Variants in MAP2K6 observed in about 807,000 individuals in gnomAD.
MAP2K6 encodes dual specificity mitogen-activated protein kinase kinase 6.
A neutral mutation model predicts 53.7 loss-of-function variants in MAP2K6; 16 were observed. The ratio of observed to expected loss-of-function variants is 0.30; its 90% CI spans 0.20 to 0.45. The LOEUF (loss-of-function observed/expected upper bound fraction) is 0.45, where lower values mean the gene tolerates loss of function less well. Among genes scored for constraint, MAP2K6 ranks in the 20% least tolerant of loss-of-function variants. The pLI is 1.00. For missense variants in MAP2K6, 204 were observed against 411.9 expected, an observed-to-expected ratio of 0.50 and a Z score of 4.37; for synonymous variants, 132 against 143.1, an observed-to-expected ratio of 0.92 and a Z score of 0.55.
At chr17:69,443,968 G>A (rs1906896136) in intron 1 of MAP2K6, among the ~76,000 whole-genome samples, 1 of 152,116 alleles carries the variant, frequency 6.6e-6, no homozygotes, top group Non-Finnish European at 1.5e-5. Context: ...ATGTGTCTGG[G>A]TGTATTGTCC....
chr17:69,455,200 A>T (rs1418747573), intron 1 of MAP2K6, among the ~76,000 whole-genome samples: 1 of 152,172 alleles, frequency 6.6e-6, no homozygotes, highest in Non-Finnish European at 1.5e-5. Flanking sequence ...AGAGATTAGG[A>T]TTCTGTCCAC....
At chr17:69,481,008 A>G (rs1184604658) in intron 1 of MAP2K6, among the ~76,000 whole-genome samples, 3 of 152,200 alleles carry the variant, frequency 2.0e-5, no homozygotes, top group African/African-American at 7.2e-5. Flanking sequence ...ACACAACAAC[A>G]TAGAATTATC....
chr17:69,469,717 C>T (rs756752835), intron 1 of MAP2K6, among the ~76,000 whole-genome samples: 3 of 151,940 alleles, frequency 2.0e-5, no homozygotes, highest in Non-Finnish European at 4.4e-5. Context: ...GAATGGAGAT[C>T]GCTCCACTGC....
chr17:69,427,985 G>A (rs1047257244), intron 1 of MAP2K6, among the ~76,000 whole-genome samples: 1 of 152,216 alleles, frequency 6.6e-6, no homozygotes, highest in Non-Finnish European at 1.5e-5. Flanking sequence ...TAGCTAGTCA[G>A]TGTTGAGCAA....
rs544568634 is a variant in MAP2K6, at chr17:69,526,440, C to T, written c.742-130C>T. On this transcript the variant is annotated intron_variant, in intron 9 of 11. Transcript: ENST00000590474. ...AACAAATTATTAGTTTATTTCCTGCCCCCCTACCCCTGGACTTATACTTGA... is the reference window on the plus strand; with the variant it reads ...AACAAATTATTAGTTTATTTCCTGCTCCCCTACCCCTGGACTTATACTTGA... 16 of 896,066 alleles carry T rather than the reference C, an allele frequency of 1.8e-5. No homozygotes were observed. In the Admixed American group the frequency reaches 2.0e-4, roughly 11 times the overall value. The allele number at this position is 896,066 out of a possible 1,614,324, so 55.5% of individuals were successfully genotyped here.
rs182734227 is a variant in MAP2K6 at position 69,480,334 on chromosome 17, T to C, written c.17-25446T>C. The stretch of plus-strand genomic sequence containing the variant: ...TTTTTTTCACAGGACATTCCGTTCT[T>C]CTCACCAGCCCTAACCTGTTTGCCA... On this transcript the variant is annotated intron_variant, in intron 1 of 11. Transcript: ENST00000590474. 1.4e-3 allele frequency among the ~76,000 whole-genome samples: 206 copies of C among 152,256 alleles called. 2 individuals carry two copies. Among genetic ancestry groups the C allele is most frequent in the Admixed American group, 0.012 (182 of 15,286 alleles).
At chr17:69,484,084 G>A (rs2145194657) in intron 1 of MAP2K6, among the ~76,000 whole-genome samples, 1 of 152,118 alleles carries the variant, frequency 6.6e-6, no homozygotes, top group South Asian at 2.1e-4. Flanking sequence ...GAAAAGATAG[G>A]TAAGTTAGAT....
intron 1 of MAP2K6, among the ~76,000 whole-genome samples, chr17:69,476,144 A>G (rs897144776): frequency 1.1e-4 from 16 of 152,200 alleles, no homozygotes; most frequent in African/African-American, 3.9e-4. Context: ...AGATGTATGT[A>G]TGTGTATATT....
chr17:69,468,636 G>A (rs554946923), intron 1 of MAP2K6, among the ~76,000 whole-genome samples: 1 of 152,170 alleles, frequency 6.6e-6, no homozygotes, highest in Admixed American at 6.5e-5. Context: ...AGTTCGAAAA[G>A]GTGCGAAGAA....
intron 8 of MAP2K6, among the ~76,000 whole-genome samples, chr17:69,524,372 C>T (rs1487388562): frequency 2.6e-5 from 4 of 151,248 alleles, no homozygotes; most frequent in African/African-American, 9.7e-5. Context: ...ATGAGAGGAC[C>T]TCACAGCTGT....
chr17:69,441,909 C>T (rs994515638), intron 1 of MAP2K6, among the ~76,000 whole-genome samples: 1 of 152,106 alleles, frequency 6.6e-6, no homozygotes, highest in East Asian at 1.9e-4. Context: ...CCTCCTAGGC[C>T]TCCACTGACA....
At chr17:69,515,769 G>A (rs1294721983) in intron 2 of MAP2K6, among the ~76,000 whole-genome samples, 1 of 152,212 alleles carries the variant, frequency 6.6e-6, no homozygotes, top group Non-Finnish European at 1.5e-5. Flanking sequence ...GAGACCTGGG[G>A]CAGCTGTGGG....
chr17:69,425,351 C>A (rs189258938), intron 1 of MAP2K6, among the ~76,000 whole-genome samples: 4 of 151,698 alleles, frequency 2.6e-5, no homozygotes, highest in Non-Finnish European at 5.9e-5. Context: ...ATAGCTCTGT[C>A]ACCCAGGCTG....
chr17:69,471,165 T>C (rs150383507), intron 1 of MAP2K6, among the ~76,000 whole-genome samples: 1 of 152,378 alleles, frequency 6.6e-6, no homozygotes, highest in Non-Finnish European at 1.5e-5. Flanking sequence ...GTTGTTATAC[T>C]CTTTGATGAC....
intron 1 of MAP2K6, among the ~76,000 whole-genome samples, chr17:69,416,119 T>A (rs1905891558): frequency 6.6e-6 from 1 of 152,168 alleles, no homozygotes; most frequent in Non-Finnish European, 1.5e-5. Flanking sequence ...TACTATTGAA[T>A]TAGGCTACCC....
chr17:69,453,431 T>C (rs1907296030), intron 1 of MAP2K6, among the ~76,000 whole-genome samples: 1 of 152,174 alleles, frequency 6.6e-6, no homozygotes, highest in Non-Finnish European at 1.5e-5. Context: ...TTAGGTGTAC[T>C]TGAAAAAATG....
chr17:69,532,181 A>G (rs749631538), intron 10 of MAP2K6, among the ~76,000 whole-genome samples: 2 of 152,216 alleles, frequency 1.3e-5, no homozygotes, highest in African/African-American at 2.4e-5. Context: ...ACAGTCAAAT[A>G]CAGTCTCCTA....
intron 2 of MAP2K6, among the ~76,000 whole-genome samples, chr17:69,514,514 A>G (rs1321553455): frequency 1.3e-5 from 2 of 152,164 alleles, no homozygotes; most frequent in South Asian, 2.1e-4. Context: ...AAGGCTTGCC[A>G]TTAAAATCTT....
At chr17:69,420,824 T>A (rs995785775) in intron 1 of MAP2K6, among the ~76,000 whole-genome samples, 10 of 152,220 alleles carry the variant, frequency 6.6e-5, no homozygotes, top group Non-Finnish European at 1.5e-5. Context: ...GGGGAGCTGA[T>A]GGTATAATGA....
Sources: allele counts gnomAD v4.1 joint callset (sites outside exome capture counted in the v4.1 genomes callset), GRCh38; gene constraint gnomAD v4.1.1; transcripts MANE v1.5; gene names NCBI Gene and HGNC (gene_info 2026-07-23, HGNC 2026-07-21).